Variants in SAE1 observed in about 807,000 individuals in gnomAD.
SAE1 encodes the protein SUMO1 activating enzyme subunit 1.
SAE1 carries 11 observed loss-of-function variants against 40.6 expected under a neutral mutation model. The ratio of observed to expected loss-of-function variants is 0.27; its 90% CI spans 0.17 to 0.45. The LOEUF (loss-of-function observed/expected upper bound fraction) is 0.45. SAE1 is among the 20% of genes least tolerant of loss of function. The pLI is 1.00. For synonymous variants in SAE1, 155 were observed against 154.3 expected (o/e 1.00, Z -0.03); for missense variants, 373 against 427.3 (o/e 0.87, Z 1.12).
Position 47,169,659 on chromosome 19 carries a change from A to T in SAE1, c.628-159A>T, listed in dbSNP as rs2058418332. On this transcript the variant is annotated intron_variant, in intron 5 of 8. Transcript: ENST00000270225. ...CCAGCCTCTACAGAAGCACACAGTG[A>T]GTGTTCAATAAGCATTTCTTGGATC... Among the ~76,000 whole-genome samples the T allele has an allele frequency of 2.0e-5, 3 of 152,172 alleles. No homozygotes were observed. The South Asian group carries it at 6.2e-4, about 32-fold the overall frequency.
intron 7 of SAE1, among the ~76,000 whole-genome samples, chr19:47,202,045 G>A (rs765527301): frequency 1.3e-5 from 2 of 152,130 alleles, no homozygotes; most frequent in Admixed American, 6.6e-5. Context: ...GTAAGGAGCC[G>A]GAGGTGCCTT....
intron 1 of SAE1, among the ~76,000 whole-genome samples, chr19:47,132,789 G>A (rs547191201): frequency 6.6e-6 from 1 of 151,982 alleles, no homozygotes; most frequent in South Asian, 2.1e-4. Context: ...TCAGGAGACT[G>A]AGGTGGGAGC....
intron 1 of SAE1, among the ~76,000 whole-genome samples, chr19:47,142,919 C>T (rs1429765502): frequency 1.3e-5 from 2 of 152,050 alleles, no homozygotes; most frequent in African/African-American, 2.4e-5. Context: ...GTTTATCTGT[C>T]TCCTACTTTT....
chr19:47,140,623 C>CA (rs202068723), intron 1 of SAE1, among the ~76,000 whole-genome samples: 60,817 of 118,824 alleles, frequency 0.51, 14,252 homozygotes, highest in Non-Finnish European at 0.6. Flanking sequence ...CCTGTGTCTA[C>CA]AAAAAAAAAA....
intron 1 of SAE1, among the ~76,000 whole-genome samples, chr19:47,139,399 T>G (rs1178187275): frequency 6.6e-6 from 1 of 151,976 alleles, no homozygotes; most frequent in African/African-American, 2.4e-5. Flanking sequence ...TTGCCCAGGC[T>G]GGTTTCGAAC....
chr19:47,153,392 A>G (rs2058299557), intron 4 of SAE1, among the ~76,000 whole-genome samples: 1 of 152,200 alleles, frequency 6.6e-6, no homozygotes, highest in African/African-American at 2.4e-5. Flanking sequence ...TCATCCTCTC[A>G]TTTTGAACAC....
rs540705915 is a variant in SAE1, at chr19:47,174,714, A to G, written c.733+4791A>G. ...CAGCCTCCCGAGTAGCTGGGACTAC[A>G]GGTGCCCGCCACCATGCCCGGCTAA... On this transcript the variant is annotated intron_variant, in intron 6 of 8. Transcript: ENST00000270225. 1.2e-4 allele frequency among the ~76,000 whole-genome samples: 18 copies of G among 151,962 alleles called. No homozygotes were observed. The South Asian group carries it at 3.5e-3, about 30-fold the overall frequency.
intron 6 of SAE1, among the ~76,000 whole-genome samples, chr19:47,171,175 A>G (rs976359029): frequency 2.0e-5 from 3 of 151,572 alleles, no homozygotes; most frequent in African/African-American, 7.3e-5. Flanking sequence ...GGGTTTCACC[A>G]TGTTGGCCAG....
chr19:47,165,076 CTTTTTTTTTTTTT>C (rs769656956), intron 5 of SAE1, among the ~76,000 whole-genome samples: 7 of 59,074 alleles, frequency 1.2e-4, no homozygotes, highest in Admixed American at 2.8e-4. Context: ...TGAGCCAAGT[CTTTTTTTTTTTTT>C]TTTTTTTTTT....
chr19:47,181,175 G>A (rs2058503737), intron 6 of SAE1, among the ~76,000 whole-genome samples: 1 of 151,928 alleles, frequency 6.6e-6, no homozygotes, highest in Non-Finnish European at 1.5e-5. Flanking sequence ...AATTAGCCAG[G>A]CGTGGTGGTG....
chr19:47,154,828 A>G (rs971482064), intron 4 of SAE1, among the ~76,000 whole-genome samples: 2 of 152,098 alleles, frequency 1.3e-5, no homozygotes, highest in Non-Finnish European at 1.5e-5. Context: ...ATTCAAGTAG[A>G]GTGTTTACAA....
chr19:47,182,496 T>C (rs73061320), intron 6 of SAE1, among the ~76,000 whole-genome samples: 23,997 of 145,802 alleles, frequency 0.16, 2,334 homozygotes, highest in African/African-American at 0.29. Context: ...TGTGTGTGTG[T>C]GCGCGCACGC....
At chr19:47,200,079 C>T (rs1262895245) in intron 7 of SAE1, among the ~76,000 whole-genome samples, 5 of 151,970 alleles carry the variant, frequency 3.3e-5, no homozygotes, top group African/African-American at 9.7e-5. Context: ...AACAGGCGCC[C>T]GCCACCACGC....
chr19:47,154,132 C>A (rs2058305437), intron 4 of SAE1, among the ~76,000 whole-genome samples: 2 of 151,822 alleles, frequency 1.3e-5, no homozygotes, highest in African/African-American at 4.8e-5. Flanking sequence ...CTTTTGTCAC[C>A]CAGGCTGGAG....
intron 1 of SAE1, chr19:47,142,587 A>C (rs1252741014): frequency 6.6e-6 from 1 of 152,162 alleles, no homozygotes; most frequent in African/African-American, 2.4e-5. Context: ...TGCCTCGAAG[A>C]AAATCCAGAA....
Position 47,135,833 on chromosome 19 carries a change from G to A in SAE1, c.98+4805G>A, listed in dbSNP as rs145122373. On this transcript the variant is annotated intron_variant, in intron 1 of 8. Transcript: ENST00000270225. ...TTTTGAAACGGAGTCTCGCCGTGTC[G>A]CCTAGGCTGGAGTAGGCTGGAGTGC... 5.8e-3 allele frequency among the ~76,000 whole-genome samples: 880 copies of A among 151,628 alleles called. 8 individuals are homozygous for A. The highest frequency in any genetic ancestry group is 0.017 in the Middle Eastern group (5 of 294).
At chr19:47,155,026 C>A in intron 4 of SAE1, 88 bp from the exon 5 acceptor site, 2 of 817,546 alleles carry the variant, frequency 2.4e-6, no homozygotes, top group South Asian at 1.5e-5. Context: ...AACCACCATC[C>A]CGATCTGTGA....
At chr19:47,153,096 T>C in intron 4 of SAE1, 56 bp downstream of exon 4, 1 of 1,452,722 alleles carries the variant, frequency 6.9e-7, no homozygotes, top group Non-Finnish European at 9.3e-7. Context: ...TATACTTTTT[T>C]TTTTTAAATT....
At chr19:47,194,397 T>C (rs138745969) in intron 6 of SAE1, among the ~76,000 whole-genome samples, 8 of 152,346 alleles carry the variant, frequency 5.3e-5, no homozygotes, top group Non-Finnish European at 1.0e-4. Flanking sequence ...AATTTTTATG[T>C]AGGAACCCTT....
Sources: allele counts gnomAD v4.1 joint callset (sites outside exome capture counted in the v4.1 genomes callset), GRCh38; gene constraint gnomAD v4.1.1; transcripts MANE v1.5; gene names NCBI Gene and HGNC (gene_info 2026-07-23, HGNC 2026-07-21).